DCP1A: variants seen among roughly 807,000 people sequenced by gnomAD.
DCP1A encodes decapping mRNA 1A, also known as mRNA-decapping enzyme 1A.
In DCP1A, 20 loss-of-function variants were observed where a neutral mutation model predicts 58.0. The observed-to-expected ratio is 0.34, with a 90% CI of 0.24 to 0.50. DCP1A has a LOEUF of 0.50. Among genes scored for constraint, DCP1A ranks in the 20% least tolerant of loss-of-function variants. DCP1A has a pLI of 0.98. For missense variants in DCP1A, 613 were observed against 712.2 expected (o/e 0.86, Z 1.59); for synonymous variants, 285 against 275.1 (o/e 1.04, Z -0.36).
chr3:53,307,062 C>T (rs1200922059), intron 5 of DCP1A, among the ~76,000 whole-genome samples: 1 of 151,382 alleles, frequency 6.6e-6, no homozygotes, highest in African/African-American at 2.4e-5. Context: ...CCTCAGCCTC[C>T]CTCAACCTCC....
rs201480018 is a variant in DCP1A at position 53,292,389 on chromosome 3, G to A, written c.1063C>T (p.Leu355Phe). 1.5e-4 allele frequency: 234 copies of A among 1,613,566 alleles called. No homozygotes were observed. Among genetic ancestry groups the A allele is most frequent in the Non-Finnish European group, 2.8e-5 (33 of 1,179,712 alleles). ...VKTTPRQRSP[L>F]LNQPVPELSH... The stretch of plus-strand genomic sequence containing the variant: ...AGCTCAGGGACTGGCTGGTTCAGGA[G>A]TGGAGACCTCTGTCTAGGCGTGGTC... The change falls in exon 7 of 10, where the codon CTC becomes TTC. Residue 355 changes from leucine to phenylalanine, a missense_variant. This residue lies in a region of DCP1A where 498 missense variants were observed against 556.7 expected (regional missense o/e 0.89). Coordinates refer to ENST00000610213, the MANE Select transcript of DCP1A (RefSeq NM_018403.7).
At position 53,292,306 on chromosome 3, in the gene DCP1A, C is replaced by T. The variant is rs368073286; in HGVS notation, c.1146G>A (p.Thr382=). The T allele has an allele frequency of 5.5e-5, 88 of 1,613,520 alleles. 1 individual carries two copies. The Middle Eastern group carries it at 1.2e-3, about 21-fold the overall frequency. Reference sequence around the variant, plus strand: ...TTGGGAGGGATGTGCCAGCTGTGTTCGTCACGTTCAATGGGGCCCTGAAGG... The same window carrying T: ...TTGGGAGGGATGTGCCAGCTGTGTTTGTCACGTTCAATGGGGCCCTGAAGG... The part of the protein sequence containing the change: ...QSPFRAPLNV[T]NTAGTSLPSV... Residue 382 remains threonine (T), a synonymous_variant, in exon 7 of 10, where the codon ACG becomes ACA. Coordinates refer to ENST00000610213, the MANE Select transcript of DCP1A (RefSeq NM_018403.7).
In DCP1A at chr3:53,312,342, C is replaced by T. The variant is rs374552339; in HGVS notation, c.409G>A (p.Ala137Thr). 2 of 1,612,566 alleles carry T rather than the reference C, an allele frequency of 1.2e-6. No homozygotes were observed. The highest frequency in any genetic ancestry group is 1.7e-6 in the Non-Finnish European group (2 of 1,179,394). The change falls in exon 5 of 10, where the codon GCT becomes ACT. Residue 137 changes from alanine (A) to threonine (T), a missense_variant. Ala to Thr is a moderately conservative substitution (Grantham distance 58). This residue lies in a region of DCP1A where 498 missense variants were observed against 556.7 expected (regional missense o/e 0.89). Coordinates refer to ENST00000610213, the MANE Select transcript of DCP1A (RefSeq NM_018403.7). ...EEETRRSQQA[A>T]RDKQSPSQAN... ...TGGCTGGGACTCTGTTTGTCCCGAG[C>T]AGCTTGCTGGGATCGCCGTGTCTCC...
In DCP1A at chr3:53,287,914, C is replaced by T. The variant is rs1315461570; in HGVS notation, c.1668+151G>A. Reference sequence around the variant, plus strand: ...TTTTTTTTTGCCTGCCTTGGCCTCCCATAGTGCTGGGATTACAGGTGTGAG... The same window carrying T: ...TTTTTTTTTGCCTGCCTTGGCCTCCTATAGTGCTGGGATTACAGGTGTGAG... On this transcript the variant is annotated intron_variant, in intron 9 of 9. Transcript: ENST00000610213. The T allele has an allele frequency of 4.3e-5, 34 of 794,786 alleles. No individual in the cohort carries two copies. The East Asian group carries it at 9.1e-4, about 21-fold the overall frequency. 49.2% of individuals were successfully genotyped at this position (794,786 alleles called of 1,614,324 possible).
intron 3 of DCP1A, among the ~76,000 whole-genome samples, chr3:53,327,040 T>C (rs1225567165): frequency 6.7e-6 from 1 of 150,146 alleles, no homozygotes; most frequent in African/African-American, 2.5e-5. Flanking sequence ...TCTTTATGTA[T>C]CATAAGGGAG....
chr3:53,329,229 C>T, intron 3 of DCP1A: 1 of 395,706 alleles, frequency 2.5e-6, no homozygotes, highest in East Asian at 3.6e-5. Context: ...AAAGGACAAG[C>T]AGAGAGACAA....
At chr3:53,308,983 A>AC (rs1241158000) in intron 5 of DCP1A, among the ~76,000 whole-genome samples, 8 of 151,572 alleles carry the variant, frequency 5.3e-5, no homozygotes, top group African/African-American at 1.7e-4. Flanking sequence ...AACCATCCGC[A>AC]CCCCCCTGAC....
intron 2 of DCP1A, 68 bp from the exon 3 acceptor site, chr3:53,342,339 G>A: frequency 1.7e-6 from 2 of 1,161,552 alleles, no homozygotes; most frequent in Non-Finnish European, 1.2e-6. Context: ...TATCTACTAT[G>A]TACTTTATTT....
intron 3 of DCP1A, 99 bp downstream of exon 3, chr3:53,342,044 AT>A: frequency 2.9e-6 from 3 of 1,046,286 alleles, no homozygotes; most frequent in Non-Finnish European, 4.1e-6. Flanking sequence ...TAGAGACCAT[AT>A]TTTGTTTTGT....
At chr3:53,327,514 G>A (rs1336826161) in intron 3 of DCP1A, among the ~76,000 whole-genome samples, 1 of 152,242 alleles carries the variant, frequency 6.6e-6, no homozygotes, top group Non-Finnish European at 1.5e-5. Context: ...AGCTGGCCGG[G>A]TGCGGTGGCT....
chr3:53,316,398 T>G (rs1476380290), intron 4 of DCP1A, among the ~76,000 whole-genome samples: 1 of 152,106 alleles, frequency 6.6e-6, no homozygotes. Context: ...CACTTAAAAC[T>G]CATTATCAAC....
At chr3:53,316,031 G>A (rs988992675) in intron 4 of DCP1A, among the ~76,000 whole-genome samples, 1 of 152,110 alleles carries the variant, frequency 6.6e-6, no homozygotes, top group African/African-American at 2.4e-5. Context: ...TGGGATTACA[G>A]GCGTGAGCCA....
In DCP1A at chr3:53,283,734, C is replaced by T. The variant is rs1706519071; in HGVS notation, c.*3846G>A. 6.6e-6 allele frequency: 1 copy of T among 152,156 alleles called. No homozygotes were observed. Among genetic ancestry groups the T allele is most frequent in the Admixed American group, 6.5e-5 (1 of 15,272 alleles). The allele number at this position is 152,156 out of a possible 1,614,324, so 9.4% of individuals were successfully genotyped here. ...ATACAGAATAAAAAACCATTTAGAA[C>T]ACATATTTTAAAAACATGTTTCTTA... On this transcript the variant is annotated 3_prime_UTR_variant, in exon 10 of 10. Coordinates refer to ENST00000610213, the MANE Select transcript of DCP1A (RefSeq NM_018403.7).
intron 6 of DCP1A, 96 bp downstream of exon 6, chr3:53,304,081 G>T: frequency 1.2e-6 from 1 of 852,742 alleles, no homozygotes; most frequent in Non-Finnish European, 1.9e-6. Context: ...TTTGAACCTT[G>T]ACACAACTGA....
intron 3 of DCP1A, among the ~76,000 whole-genome samples, chr3:53,325,561 CA>C (rs1708083400): frequency 6.6e-6 from 1 of 152,066 alleles, no homozygotes; most frequent in Non-Finnish European, 1.5e-5. Context: ...CACCAGGAAA[CA>C]AAAACAAGAA....
chr3:53,337,232 G>T (rs2089133268), intron 3 of DCP1A, among the ~76,000 whole-genome samples: 1 of 152,034 alleles, frequency 6.6e-6, no homozygotes, highest in Non-Finnish European at 1.5e-5. Context: ...TCTAGTAATG[G>T]CCCCTACAAC....
At chr3:53,296,190 C>T (rs974469333) in intron 6 of DCP1A, among the ~76,000 whole-genome samples, 9 of 151,988 alleles carry the variant, frequency 5.9e-5, no homozygotes, top group South Asian at 2.1e-4. Flanking sequence ...CCACCGCGCC[C>T]GGCCCACCAT....
At chr3:53,318,666 G>T (rs576945954) in intron 4 of DCP1A, among the ~76,000 whole-genome samples, 14 of 152,200 alleles carry the variant, frequency 9.2e-5, no homozygotes, top group African/African-American at 1.2e-4. Flanking sequence ...AGGCTAGCTT[G>T]AGAGAGGACA....
chr3:53,292,609 G>A lies in DCP1A; in HGVS notation c.843C>T (p.His281=). ...TGGTGATTTCAGGCTGGACTGAATG[G>A]TGGGCAGCAGAAGGGACACCCAGGG... The part of the protein sequence containing the change: ...SETLGVPSAA[H]HSVQPEITTP... The change falls in exon 7 of 10, where the codon CAC becomes CAT. Residue 281 remains histidine, a synonymous_variant. Transcript: ENST00000610213. 6.2e-7 allele frequency: 1 copy of A among 1,613,820 alleles called. No homozygotes were observed. The highest frequency in any genetic ancestry group is 8.5e-7 in the Non-Finnish European group (1 of 1,179,822).
Sources: allele counts gnomAD v4.1 joint callset (sites outside exome capture counted in the v4.1 genomes callset), GRCh38; gene constraint gnomAD v4.1.1; regional missense constraint gnomAD v4.1.1; transcripts MANE v1.5; gene names NCBI Gene and HGNC (gene_info 2026-07-23, HGNC 2026-07-21).